The following TASP1 variants were observed in gnomAD, a reference collection of about 807,000 sequenced individuals.
TASP1 encodes the protein threonine aspartase 1.
Under a neutral mutation model 56.6 loss-of-function variants are expected in TASP1, and 16 were observed. That is an observed-to-expected ratio of 0.28 (90% CI 0.19 to 0.43). The LOEUF (loss-of-function observed/expected upper bound fraction) is 0.43, where lower values mean the gene tolerates loss of function less well. Among genes scored for constraint, TASP1 ranks in the 20% least tolerant of loss-of-function variants. The pLI is 1.00. For synonymous variants in TASP1, 179 were observed against 184.2 expected, an observed-to-expected ratio of 0.97 and a Z score of 0.23; for missense variants, 393 against 511.6, an observed-to-expected ratio of 0.77 and a Z score of 2.24.
chr20:13,367,339 A>G, the TASP1 span, among the ~76,000 whole-genome samples: 1 of 152,224 alleles, frequency 6.6e-6, no homozygotes, highest in Admixed American at 6.5e-5. Flanking sequence ...TAAGTATAAC[A>G]TGCCTTGAAC....
chr20:13,456,737 T>G (rs1377853832), intron 11 of TASP1, among the ~76,000 whole-genome samples: 1 of 152,080 alleles, frequency 6.6e-6, no homozygotes, highest in Non-Finnish European at 1.5e-5. Flanking sequence ...ACCTTTGTCT[T>G]AATTTATACA....
the TASP1 span, among the ~76,000 whole-genome samples, chr20:13,183,278 G>A: frequency 1.3e-5 from 2 of 152,278 alleles, no homozygotes; most frequent in Admixed American, 6.5e-5. Context: ...CCTGCCAGAC[G>A]TGTGGGTGAA....
chr20:13,567,261 C>G (rs920895263), intron 7 of TASP1, among the ~76,000 whole-genome samples: 3 of 151,446 alleles, frequency 2.0e-5, no homozygotes, highest in African/African-American at 7.3e-5. Context: ...GACAGTGGAG[C>G]CTAACTGAGG....
the TASP1 span, among the ~76,000 whole-genome samples, chr20:13,278,229 C>T: frequency 1.3e-5 from 2 of 152,124 alleles, no homozygotes; most frequent in Non-Finnish European, 2.9e-5. Context: ...AACCAAGAAG[C>T]TTCATTCTTC....
At chr20:13,261,067 G>A in the TASP1 span, among the ~76,000 whole-genome samples, 1 of 152,146 alleles carries the variant, frequency 6.6e-6, no homozygotes, top group Non-Finnish European at 1.5e-5. Flanking sequence ...CAATCCTAAG[G>A]CACAAGTGCT....
chr20:13,266,674 A>G, the TASP1 span, among the ~76,000 whole-genome samples: 3 of 152,224 alleles, frequency 2.0e-5, no homozygotes, highest in Non-Finnish European at 2.9e-5. Context: ...ACTGGGGCAG[A>G]ATGAATTCAA....
At chr20:13,512,112 TA>T (rs1346604992) in intron 10 of TASP1, among the ~76,000 whole-genome samples, 1 of 152,136 alleles carries the variant, frequency 6.6e-6, no homozygotes, top group Admixed American at 6.6e-5. Context: ...ATCCTTTGGG[TA>T]TATACCCAGT....
chr20:13,134,693 G>C, the TASP1 span, among the ~76,000 whole-genome samples: 1 of 152,134 alleles, frequency 6.6e-6, no homozygotes, highest in Non-Finnish European at 1.5e-5. Flanking sequence ...AAACAGATCT[G>C]TGCAGTGGGA....
chr20:13,451,244 T>G (rs531681560), intron 11 of TASP1, among the ~76,000 whole-genome samples: 1 of 152,080 alleles, frequency 6.6e-6, no homozygotes, highest in African/African-American at 2.4e-5. Flanking sequence ...GGCCATAGGA[T>G]TTTTTGAATG....
chr20:13,518,509 C>A (rs1254999097), intron 10 of TASP1, among the ~76,000 whole-genome samples: 2 of 152,028 alleles, frequency 1.3e-5, no homozygotes, highest in African/African-American at 4.8e-5. Context: ...GCCCCAAACA[C>A]CTCAGACTCA....
the TASP1 span, among the ~76,000 whole-genome samples, chr20:13,144,941 A>T: frequency 6.6e-6 from 1 of 151,908 alleles, no homozygotes; most frequent in Admixed American, 6.6e-5. Flanking sequence ...CGCCCAGCTA[A>T]TTTTTTTGTA....
the TASP1 span, among the ~76,000 whole-genome samples, chr20:13,302,710 T>G: frequency 6.6e-6 from 1 of 152,186 alleles, no homozygotes; most frequent in African/African-American, 2.4e-5. Context: ...TTTTTCTCTT[T>G]GAGTGCACTG....
chr20:13,478,153 G>T (rs960189685), intron 11 of TASP1, among the ~76,000 whole-genome samples: 1 of 152,102 alleles, frequency 6.6e-6, no homozygotes, highest in Non-Finnish European at 1.5e-5. Flanking sequence ...AATAATGGTT[G>T]AGCCTAGTTA....
the TASP1 span, among the ~76,000 whole-genome samples, chr20:13,112,777 G>A: frequency 2.0e-5 from 3 of 152,288 alleles, no homozygotes; most frequent in African/African-American, 4.8e-5. Flanking sequence ...GCTCTTGGGG[G>A]CTTCAATTTC....
intron 10 of TASP1, among the ~76,000 whole-genome samples, chr20:13,488,674 T>C (rs1192787949): frequency 2.6e-5 from 4 of 152,098 alleles, no homozygotes; most frequent in Non-Finnish European, 5.9e-5. Context: ...TCTCCTCCAG[T>C]TATCCACACT....
At chr20:13,473,358 G>T (rs1308287979) in intron 11 of TASP1, among the ~76,000 whole-genome samples, 3 of 151,864 alleles carry the variant, frequency 2.0e-5, no homozygotes, top group Non-Finnish European at 4.4e-5. Flanking sequence ...GATGGGGGAG[G>T]GATAGCATTA....
At chr20:13,434,814 G>T (rs1001597874) in intron 12 of TASP1, among the ~76,000 whole-genome samples, 2 of 152,064 alleles carry the variant, frequency 1.3e-5, no homozygotes, top group African/African-American at 4.8e-5. Flanking sequence ...AAAGGTCCTT[G>T]GTTCTAAGCT....
chr20:13,581,796 C>T (rs112167510), intron 5 of TASP1, among the ~76,000 whole-genome samples: 5 of 152,138 alleles, frequency 3.3e-5, no homozygotes, highest in Admixed American at 3.3e-4. Flanking sequence ...TTAAATCTAT[C>T]GGATGAGTTA....
At position 13,534,049 on chromosome 20, in the gene TASP1, G is replaced by C. The variant is rs752693907; in HGVS notation, c.768C>G (p.Ala256=). Residue 256 remains alanine, a synonymous_variant, in exon 9 of 14, where the codon GCC becomes GCG. Transcript: ENST00000337743. The part of the protein sequence containing the change: ...VAAAVSSGGL[A]LKHPGRVGQA... ...GCCCAACTCTCCCCGGATGTTTCAA[G>C]GCCAAGCCTCCACTGGAGACAGCAG... is the stretch of plus-strand genomic sequence containing the variant. 1.9e-6 allele frequency: 3 copies of C among 1,613,240 alleles called. No individual in the cohort carries two copies. The highest frequency in any genetic ancestry group is 2.5e-6 in the Non-Finnish European group (3 of 1,179,580).
Sources: gnomAD v4.1 joint callset for allele counts (sites outside exome capture counted in the v4.1 genomes callset) on GRCh38, gnomAD v4.1.1 for gene constraint, MANE v1.5 for transcripts, NCBI Gene and HGNC (gene_info 2026-07-23, HGNC 2026-07-21) for gene names.